SMOC2: variants seen among roughly 807,000 people sequenced by gnomAD.
SMOC2 encodes SPARC related modular calcium binding 2.
SMOC2 carries 39 observed loss-of-function variants against 61.4 expected under a neutral mutation model. That is an observed-to-expected ratio of 0.64 (90% CI 0.49 to 0.83). The LOEUF is 0.83. Ranked by LOEUF, SMOC2 falls within the 40% of genes least tolerant of loss-of-function variation. SMOC2 has a pLI of 0.00. For synonymous variants in SMOC2, 247 were observed against 239.9 expected (o/e 1.03, Z -0.27); for missense variants, 556 against 592.9 (o/e 0.94, Z 0.65).
At chr6:168,464,247 A>G (rs1174452684) in intron 1 of SMOC2, among the ~76,000 whole-genome samples, 1 of 150,958 alleles carries the variant, frequency 6.6e-6, no homozygotes, top group Non-Finnish European at 1.5e-5. Context: ...AGGAAGGAAG[A>G]AAGGAAGGAA....
chr6:168,451,578 T>G (rs1231597720), intron 1 of SMOC2, among the ~76,000 whole-genome samples: 5 of 137,880 alleles, frequency 3.6e-5, no homozygotes, highest in African/African-American at 1.5e-4. Flanking sequence ...TCGCGCTCTC[T>G]CTCTGTCTCT....
chr6:168,502,497 A>T (rs562395435), intron 1 of SMOC2, among the ~76,000 whole-genome samples: 1 of 152,334 alleles, frequency 6.6e-6, no homozygotes, highest in Non-Finnish European at 1.5e-5. Context: ...AGTCATGCAG[A>T]TTAAAACAAA....
intron 1 of SMOC2, 124 bp from the exon 2 acceptor site, chr6:168,509,791 G>T: frequency 1.2e-6 from 1 of 831,864 alleles, no homozygotes; most frequent in African/African-American, 1.7e-5. Flanking sequence ...GGTGAGAACC[G>T]GGTGGTGTTA....
At chr6:168,441,940 A>T (rs981707314) in intron 1 of SMOC2, among the ~76,000 whole-genome samples, 1 of 152,036 alleles carries the variant, frequency 6.6e-6, no homozygotes, top group African/African-American at 2.4e-5. Context: ...CACCTCGCCC[A>T]CGGGGACCCG....
intron 9 of SMOC2, among the ~76,000 whole-genome samples, chr6:168,608,496 C>T (rs1277765805): frequency 6.6e-6 from 1 of 152,072 alleles, no homozygotes; most frequent in Non-Finnish European, 1.5e-5. Context: ...AAGAAAGGGC[C>T]CCTCACAAAT....
intron 1 of SMOC2, among the ~76,000 whole-genome samples, chr6:168,465,468 GAA>G (rs71935592): frequency 6.6e-5 from 9 of 137,178 alleles, no homozygotes; most frequent in Admixed American, 3.0e-4. Flanking sequence ...AGATCAGCCG[GAA>G]AAAAAAAAAA....
intron 9 of SMOC2, among the ~76,000 whole-genome samples, chr6:168,641,522 C>T (rs1786889846): frequency 6.6e-6 from 1 of 152,228 alleles, no homozygotes; most frequent in African/African-American, 2.4e-5. Flanking sequence ...TAGAAACACA[C>T]ACGTTGGTCT....
chr6:168,509,557 G>A, intron 1 of SMOC2, among the ~76,000 whole-genome samples: 1 of 151,838 alleles, frequency 6.6e-6, no homozygotes, highest in East Asian at 1.9e-4. Context: ...ATTAGTCGAT[G>A]AATGTGGAGG....
Position 168,455,920 on chromosome 6 carries a change from A to G in SMOC2, c.84+14466A>G, listed in dbSNP as rs529573550. On this transcript the variant is annotated intron_variant, in intron 1 of 12. Transcript: ENST00000356284. ...GTGACCCGCTCCGTGAATCCATGCA[A>G]ACGTCTGGGCGGAGTCTTCACCTCA... 9.1e-4 allele frequency among the ~76,000 whole-genome samples: 139 copies of G among 152,330 alleles called. 2 individuals are homozygous for G. Among genetic ancestry groups the G allele is most frequent in the Admixed American group, 1.7e-3 (26 of 15,310 alleles).
intron 9 of SMOC2, among the ~76,000 whole-genome samples, chr6:168,626,370 G>A (rs1368476296): frequency 6.6e-6 from 1 of 152,162 alleles, no homozygotes; most frequent in East Asian, 1.9e-4. Context: ...AATAATTGAC[G>A]ATGTGTGCGA....
rs546392321 is a variant in SMOC2 at position 168,553,909 on chromosome 6, T to C, written c.637+4706T>C. On this transcript the variant is annotated intron_variant, in intron 7 of 12. Transcript: ENST00000356284. This position sits in a 1 kb window ranked among gnomAD's most constrained non-coding sequence, Gnocchi z 4.2. Reference sequence around the variant, plus strand: ...TCCATGGGACGAGTCGATTAAAACTTGCTTTTGAACTGCGTGTGCTGTGCA... The same window carrying C: ...TCCATGGGACGAGTCGATTAAAACTCGCTTTTGAACTGCGTGTGCTGTGCA... 0.011 allele frequency among the ~76,000 whole-genome samples: 1,701 copies of C among 148,366 alleles called. 53 individuals are homozygous for C. The highest frequency in any genetic ancestry group is 0.042 in the African/African-American group (1,619 of 38,930).
intron 6 of SMOC2, among the ~76,000 whole-genome samples, chr6:168,548,225 G>A (rs1181379158): frequency 3.9e-5 from 6 of 152,108 alleles, no homozygotes; most frequent in Admixed American, 1.3e-4. Context: ...ATGCCCTTCC[G>A]CAGATGAGAG....
At chr6:168,557,723 G>A (rs1402777979) in intron 7 of SMOC2, among the ~76,000 whole-genome samples, 1 of 152,148 alleles carries the variant, frequency 6.6e-6, no homozygotes, top group African/African-American at 2.4e-5. Context: ...AGTTGCTCAT[G>A]GGTCTGATGT....
intron 7 of SMOC2, among the ~76,000 whole-genome samples, chr6:168,582,404 C>A (rs549114316): frequency 2.6e-5 from 4 of 152,290 alleles, no homozygotes; most frequent in African/African-American, 9.6e-5. Flanking sequence ...ACTGAGCCTT[C>A]CTCAGTCCAG....
rs974177055 is a variant in SMOC2 at position 168,441,926 on chromosome 6, C to T, written c.84+472C>T. ...CCAAGACAGACCCGCCGGGACTGGGCGCCCACCTCGCCCACGGGGACCCGG... is the reference window on the plus strand; with the variant it reads ...CCAAGACAGACCCGCCGGGACTGGGTGCCCACCTCGCCCACGGGGACCCGG... On this transcript the variant is annotated intron_variant, in intron 1 of 12. Coordinates refer to ENST00000356284, the MANE Select transcript of SMOC2 (RefSeq NM_001166412.2). Among the ~76,000 whole-genome samples the T allele has an allele frequency of 9.9e-5, 15 of 152,226 alleles. 1 individual carries two copies. In the East Asian group the frequency reaches 2.9e-3, roughly 30 times the overall value.
In SMOC2 at chr6:168,632,151, T is replaced by G. The variant is rs573378566; in HGVS notation, c.908-18530T>G. 2.0e-5 allele frequency among the ~76,000 whole-genome samples: 3 copies of G among 152,338 alleles called. No individual in the cohort carries two copies. In the South Asian group the frequency reaches 6.2e-4, roughly 32 times the overall value. ...TGAAATTTTGTCAATGACAGGAGGT[T>G]TTTGGTCACCTGGTTGATTAATGGT... On this transcript the variant is annotated intron_variant, in intron 9 of 12. Coordinates refer to ENST00000356284, the MANE Select transcript of SMOC2 (RefSeq NM_001166412.2).
chr6:168,590,152 G>A (rs1289096425), intron 7 of SMOC2, among the ~76,000 whole-genome samples: 1 of 140,246 alleles, frequency 7.1e-6, no homozygotes, highest in Non-Finnish European at 1.5e-5. Context: ...TGAGTTTAGG[G>A]GGCAGCCCCA....
At chr6:168,542,964 T>G (rs558388790) in intron 4 of SMOC2, among the ~76,000 whole-genome samples, 1 of 152,336 alleles carries the variant, frequency 6.6e-6, no homozygotes, top group East Asian at 1.9e-4. Context: ...CTAAACAGAA[T>G]ATTCAACTGC....
chr6:168,590,119 C>T (rs1279917852), intron 7 of SMOC2, among the ~76,000 whole-genome samples: 1 of 105,232 alleles, frequency 9.5e-6, no homozygotes, highest in Admixed American at 9.8e-5. Flanking sequence ...GGGCAGCCGG[C>T]CTGGTGTTGG....
Sources: allele counts gnomAD v4.1 joint callset (sites outside exome capture counted in the v4.1 genomes callset), GRCh38; gene constraint gnomAD v4.1.1; non-coding constraint Gnocchi (gnomAD v3.1); transcripts MANE v1.5; gene names NCBI Gene and HGNC (gene_info 2026-07-23, HGNC 2026-07-21).